The following GSN variants were observed in gnomAD, a reference collection of about 807,000 sequenced individuals.
GSN encodes the protein actin-depolymerizing factor.
In GSN, 56 loss-of-function variants were observed where a neutral mutation model predicts 85.7. That is an observed-to-expected ratio of 0.65 (90% CI 0.53 to 0.82). The LOEUF (loss-of-function observed/expected upper bound fraction) is 0.82, where lower values mean the gene tolerates loss of function less well. Among genes scored for constraint, GSN ranks in the 40% least tolerant of loss-of-function variants. The probability of loss-of-function intolerance (pLI) is 0.00; values close to 1 mark genes in which losing one functional copy is unlikely to be tolerated. For synonymous variants in GSN, 373 were observed against 399.1 expected (o/e 0.93, Z 0.78); for missense variants, 857 against 979.8 (o/e 0.87, Z 1.67).
chr9:121,277,260 T>C (rs2056796717), intron 1 of GSN, among the ~76,000 whole-genome samples: 1 of 152,236 alleles, frequency 6.6e-6, no homozygotes, highest in Non-Finnish European at 1.5e-5. Flanking sequence ...TCTCTCCTCA[T>C]TGCTAACAAA....
rs768342964 is a variant in GSN, at chr9:121,310,716, G to C, written c.384G>C (p.Val128=). ...KGGVASGFKH[V]VPNEVVVQRL... ...GTGTGGCATCAGGATTCAAGCACGT[G>C]GTACCCAACGAGGTGGTGGTGCAGA... is the stretch of plus-strand genomic sequence containing the variant. Residue 128 remains valine (V), a synonymous_variant, in exon 5 of 18, where the codon GTG becomes GTC. Coordinates refer to ENST00000432226, the MANE Select transcript of GSN (RefSeq NM_198252.3). 9 of 1,614,174 alleles carry C rather than the reference G, an allele frequency of 5.6e-6. No homozygotes were observed. Among genetic ancestry groups the C allele is most frequent in the Non-Finnish European group, 7.6e-6 (9 of 1,180,020 alleles).
At chr9:121,286,221 C>A in intron 2 of GSN, 1 of 1,398,062 alleles carries the variant, frequency 7.2e-7, no homozygotes, top group Non-Finnish European at 9.8e-7. Flanking sequence ...TCCCCGAAGC[C>A]AGCTCAGAGG....
intron 17 of GSN, chr9:121,331,842 C>T (rs1051722727): frequency 2.1e-5 from 4 of 194,718 alleles, no homozygotes; most frequent in Admixed American, 5.3e-5. Flanking sequence ...TCACTTGAGC[C>T]CAGGAGTTTG....
At chr9:121,263,750 C>T (rs1010253440), upstream of GSN, among the ~76,000 whole-genome samples, 28 of 151,992 alleles carry the variant, frequency 1.8e-4, no homozygotes, top group Non-Finnish European at 2.9e-4. Context: ...ATTAGCCGGG[C>T]GTTGTTGCGG....
intron 1 of GSN, chr9:121,281,180 C>G (rs1039813893): frequency 5.5e-6 from 1 of 180,402 alleles, no homozygotes; most frequent in Non-Finnish European, 1.2e-5. Context: ...GGGGGACAGA[C>G]CTGTTCTGGC....
chr9:121,328,935 T>C lies in GSN; in HGVS notation c.1807T>C (p.Ser603Pro). Reference protein sequence around the residue: ...ALGGKAAYRTSPRLKDKKMDA... With the variant: ...ALGGKAAYRTPPRLKDKKMDA... ...GGGCGGGAAGGCTGCCTACCGCACA[T>C]CCCCACGGCTGAAGGACAAGAAGAT... Residue 603 changes from serine (S) to proline (P), a missense_variant, in exon 15 of 18, where the codon TCC becomes CCC. Coordinates refer to ENST00000432226, the MANE Select transcript of GSN (RefSeq NM_198252.3). 1 of 1,613,696 alleles carries C rather than the reference T, an allele frequency of 6.2e-7. No individual in the cohort carries two copies. The highest frequency in any genetic ancestry group is 1.6e-4 in the Middle Eastern group (1 of 6,062).
Position 121,332,296 on chromosome 9 carries a change from A to G in GSN, c.2027-138A>G. On this transcript the variant is annotated intron_variant, in intron 17 of 17. Coordinates refer to ENST00000432226, the MANE Select transcript of GSN (RefSeq NM_198252.3). This position sits in a 1 kb window ranked among gnomAD's most constrained non-coding sequence, Gnocchi z 4.8. Reference sequence around the variant, plus strand: ...ATGCCTTTAAAGGAGGATGGTGCCCAGGGCAGGGGGTGGGCAGTAGGGACA... The same window carrying G: ...ATGCCTTTAAAGGAGGATGGTGCCCGGGGCAGGGGGTGGGCAGTAGGGACA... The G allele has an allele frequency of 1.2e-6, 1 of 822,222 alleles. No homozygotes were observed. Among genetic ancestry groups the G allele is most frequent in the South Asian group, 1.4e-5 (1 of 73,654 alleles). 50.9% of individuals were successfully genotyped at this position (822,222 alleles called of 1,614,324 possible).
chr9:121,297,451 C>T (rs2059325557), intron 2 of GSN, among the ~76,000 whole-genome samples: 1 of 152,162 alleles, frequency 6.6e-6, no homozygotes, highest in Non-Finnish European at 1.5e-5. Flanking sequence ...CTAGGCACTT[C>T]CTCCAGCCTC....
chr9:121,278,638 AGT>A (rs979633107), intron 1 of GSN, among the ~76,000 whole-genome samples: 14 of 152,234 alleles, frequency 9.2e-5, no homozygotes, highest in African/African-American at 3.1e-4. Flanking sequence ...ACAGGCACGT[AGT>A]GAGAGCCCCA....
In GSN at chr9:121,318,392, C is replaced by G; in HGVS notation, c.887-14C>G. 8 of 1,610,892 alleles carry G rather than the reference C, an allele frequency of 5.0e-6. No homozygotes were observed. Among genetic ancestry groups the G allele is most frequent in the Non-Finnish European group, 6.8e-6 (8 of 1,177,012 alleles). On this transcript the variant is annotated splice_polypyrimidine_tract_variant and intron_variant, in intron 8 of 17. Coordinates refer to ENST00000432226, the MANE Select transcript of GSN (RefSeq NM_198252.3). This position sits in a 1 kb window ranked among gnomAD's most constrained non-coding sequence, Gnocchi z 4.3. ...GGCCTCTAACCCTCCATCACTTCCT[C>G]TGGCTGCCAACAGGCAAGCAGGCAA...
chr9:121,250,908 T>TGTGC (rs1320428942), intron 6 of GSN, among the ~76,000 whole-genome samples: 1 of 145,608 alleles, frequency 6.9e-6, no homozygotes, highest in Non-Finnish European at 1.5e-5. Flanking sequence ...TGTGTGTGTG[T>TGTGC]GTGCTTTGAG....
intron 2 of GSN, 149 bp downstream of exon 2, chr9:121,281,711 G>C (rs548995877): frequency 4.2e-6 from 2 of 471,252 alleles, no homozygotes; most frequent in South Asian, 1.5e-5. Context: ...ATAAGGCTCA[G>C]AGTGCGTCTC....
At chr9:121,207,550 C>T (rs1320075538), upstream of GSN, among the ~76,000 whole-genome samples, 1 of 152,160 alleles carries the variant, frequency 6.6e-6, no homozygotes, top group African/African-American at 2.4e-5. Context: ...GCAGTCAGTG[C>T]CTATGCTCAC....
upstream of GSN, among the ~76,000 whole-genome samples, chr9:121,205,989 C>G (rs756129970): frequency 1.3e-5 from 2 of 151,504 alleles, no homozygotes; most frequent in South Asian, 2.1e-4. Context: ...GAGATTCCCC[C>G]CTACCCCTAT....
At chr9:121,233,987 G>T (rs1170199364) in intron 5 of GSN, among the ~76,000 whole-genome samples, 1 of 152,212 alleles carries the variant, frequency 6.6e-6, no homozygotes. Context: ...AAGTGATCCA[G>T]ACTGGAATAG....
intron 4 of GSN, among the ~76,000 whole-genome samples, chr9:121,220,683 A>G (rs949175561): frequency 6.6e-6 from 1 of 152,076 alleles, no homozygotes; most frequent in African/African-American, 2.4e-5. Context: ...ATTTTCAATT[A>G]TTTTCCCTTC....
intron 2 of GSN, among the ~76,000 whole-genome samples, chr9:121,301,691 C>G (rs538150032): frequency 6.6e-6 from 1 of 151,854 alleles, no homozygotes; most frequent in Admixed American, 6.6e-5. Flanking sequence ...GTAGAGCCCT[C>G]TGTACCCTCC....
intron 5 of GSN, among the ~76,000 whole-genome samples, chr9:121,236,797 A>T (rs1564349326): frequency 6.6e-6 from 1 of 152,212 alleles, no homozygotes; most frequent in Non-Finnish European, 1.5e-5. Context: ...GTGCCACAAC[A>T]TTACCCTGAA....
chr9:121,212,213 G>C (rs2053981330), intron 4 of GSN, among the ~76,000 whole-genome samples: 1 of 152,160 alleles, frequency 6.6e-6, no homozygotes, highest in South Asian at 2.1e-4. Context: ...CGTTTTCAGA[G>C]CTCACACTGG....
Sources: gnomAD v4.1 joint callset for allele counts (sites outside exome capture counted in the v4.1 genomes callset) on GRCh38, gnomAD v4.1.1 for gene constraint, Gnocchi (gnomAD v3.1) non-coding constraint, MANE v1.5 for transcripts, NCBI Gene and HGNC (gene_info 2026-07-23, HGNC 2026-07-21) for gene names.